The following BNC2 variants were observed in gnomAD, a reference collection of about 807,000 sequenced individuals.
The protein encoded by BNC2 is basonuclin zinc finger protein 2, also known as zinc finger protein basonuclin-2.
A neutral mutation model predicts 76.3 loss-of-function variants in BNC2; 20 were observed. That is an observed-to-expected ratio of 0.26 (90% confidence interval 0.18 to 0.38). The LOEUF (loss-of-function observed/expected upper bound fraction) is 0.38, where lower values mean the gene tolerates loss of function less well. BNC2 is among the 10% of genes least tolerant of loss of function. BNC2 has a pLI of 1.00. For synonymous variants in BNC2, 582 were observed against 514.8 expected, an observed-to-expected ratio of 1.13 and a Z score of -1.77; for missense variants, 1,382 against 1,399.8, an observed-to-expected ratio of 0.99 and a Z score of 0.20.
intron 3 of BNC2, among the ~76,000 whole-genome samples, chr9:16,712,000 A>G (rs893164154): frequency 2.0e-5 from 3 of 152,266 alleles, no homozygotes; most frequent in Non-Finnish European, 4.4e-5. Context: ...AAATACATGG[A>G]TAAGTGAAAA....
At chr9:16,813,440 T>C (rs1818105990) in intron 1 of BNC2, among the ~76,000 whole-genome samples, 2 of 151,886 alleles carry the variant, frequency 1.3e-5, no homozygotes, top group Non-Finnish European at 2.9e-5. Flanking sequence ...TAATTTTTTG[T>C]ATTTTTAGTA....
Position 16,419,413 on chromosome 9 carries a change from A to C in BNC2, c.2876T>G (p.Val959Gly). Residue 959 changes from valine (V) to glycine (G), a missense_variant, in exon 7 of 7, where the codon GTC becomes GGC. Val to Gly is a moderately radical substitution (Grantham distance 109). Around this residue, in one of 3 missense-constraint regions of BNC2, gnomAD observed 798 missense variants for 775.5 expected, o/e 1.03. Transcript: ENST00000380672. Reference sequence around the variant, plus strand: ...GCTGGAGGTGGTGCTCAAGTCAAGGACCATGTAGTCCTCTGCCATGCCTCT... The same window carrying C: ...GCTGGAGGTGGTGCTCAAGTCAAGGCCCATGTAGTCCTCTGCCATGCCTCT... ...YGRGMAEDYM[V>G]LDLSTTSSLQ... 6.2e-7 allele frequency: 1 copy of C among 1,604,424 alleles called. No homozygotes were observed. The highest frequency in any genetic ancestry group is 8.5e-7 in the Non-Finnish European group (1 of 1,174,880).
intron 1 of BNC2, among the ~76,000 whole-genome samples, chr9:16,847,568 T>C (rs1401588800): frequency 3.3e-5 from 5 of 152,134 alleles, no homozygotes; most frequent in African/African-American, 9.7e-5. Context: ...CAATCAGGAA[T>C]AGAACATTAA....
chr9:16,859,696 G>A (rs1819348847), intron 1 of BNC2, among the ~76,000 whole-genome samples: 1 of 152,200 alleles, frequency 6.6e-6, no homozygotes, highest in African/African-American at 2.4e-5. Flanking sequence ...GGTTTCCCAG[G>A]GCTGGGAGGA....
chr9:16,458,740 A>G (rs1012401641), intron 5 of BNC2, among the ~76,000 whole-genome samples: 1 of 152,242 alleles, frequency 6.6e-6, no homozygotes, highest in Non-Finnish European at 1.5e-5. Flanking sequence ...ATTTGGCTCC[A>G]ATGAAAAGTA....
chr9:16,819,378 C>A (rs992087417), intron 1 of BNC2, among the ~76,000 whole-genome samples: 6 of 152,146 alleles, frequency 3.9e-5, no homozygotes, highest in Non-Finnish European at 7.3e-5. Flanking sequence ...AATATGCAGT[C>A]CAGGCTGGGC....
intron 3 of BNC2, among the ~76,000 whole-genome samples, chr9:16,698,960 GA>G (rs1418678473): frequency 6.6e-6 from 1 of 152,164 alleles, no homozygotes; most frequent in African/African-American, 2.4e-5. Flanking sequence ...CTTTTGTACA[GA>G]AGTTGTATTT....
chr9:16,845,459 C>G (rs1344222381), intron 1 of BNC2, among the ~76,000 whole-genome samples: 1 of 152,178 alleles, frequency 6.6e-6, no homozygotes, highest in East Asian at 1.9e-4. Flanking sequence ...CGGTGGCTCA[C>G]ACCTGTAATC....
intron 1 of BNC2, among the ~76,000 whole-genome samples, chr9:16,823,848 C>A (rs909704424): frequency 6.6e-6 from 1 of 152,102 alleles, no homozygotes; most frequent in East Asian, 1.9e-4. Context: ...CTCTAAAGGT[C>A]TTTTTCCTTC....
chr9:16,675,562 C>T (rs1354958568), intron 3 of BNC2, among the ~76,000 whole-genome samples: 1 of 152,134 alleles, frequency 6.6e-6, no homozygotes, highest in Non-Finnish European at 1.5e-5. Context: ...TGTGCCTGGC[C>T]TAATTTTCGA....
At chr9:16,460,745 A>G (rs1236877200) in intron 5 of BNC2, among the ~76,000 whole-genome samples, 1 of 152,182 alleles carries the variant, frequency 6.6e-6, no homozygotes, top group Non-Finnish European at 1.5e-5. Context: ...CCTGAGCCTC[A>G]GTTACCCAGG....
At chr9:16,853,406 CAAAAAA>C (rs34704088) in intron 1 of BNC2, among the ~76,000 whole-genome samples, 1 of 87,010 alleles carries the variant, frequency 1.1e-5, no homozygotes, top group African/African-American at 4.2e-5. Flanking sequence ...GACCTTGTCT[CAAAAAA>C]AAAAAAAAAA....
chr9:16,436,380 G>A lies in BNC2; in HGVS notation c.1814C>T (p.Pro605Leu). The part of the protein sequence containing the change: ...IPTSGTIEQH[P>L]PPPSEPVVPA... ...CACTACTGGCTCAGAGGGTGGCGGGGGGTGCTGCTCTATGGTACCACTGGT... is the reference window on the plus strand; with the variant it reads ...CACTACTGGCTCAGAGGGTGGCGGGAGGTGCTGCTCTATGGTACCACTGGT... Residue 605 changes from proline (P) to leucine (L), a missense_variant, in exon 6 of 7, where the codon CCC becomes CTC. By Grantham distance (98) the Pro-to-Leu change is moderately conservative. This residue lies in a region of BNC2 where 798 missense variants were observed against 775.5 expected (regional missense o/e 1.03). Transcript: ENST00000380672. 6.2e-7 allele frequency: 1 copy of A among 1,614,142 alleles called. No homozygotes were observed. Among genetic ancestry groups the A allele is most frequent in the Non-Finnish European group, 8.5e-7 (1 of 1,180,020 alleles).
At chr9:16,803,317 C>G (rs1817827773) in intron 1 of BNC2, among the ~76,000 whole-genome samples, 1 of 152,206 alleles carries the variant, frequency 6.6e-6, no homozygotes, top group East Asian at 1.9e-4. Context: ...TAGCCCTCAA[C>G]TTTAGTCATG....
chr9:16,545,138 GTGTGTA>G (rs1453909084), intron 5 of BNC2, among the ~76,000 whole-genome samples: 1 of 152,086 alleles, frequency 6.6e-6, no homozygotes, highest in Non-Finnish European at 1.5e-5. Flanking sequence ...ACATATATAC[GTGTGTA>G]TGTGTATGTA....
intron 4 of BNC2, among the ~76,000 whole-genome samples, chr9:16,571,288 A>G (rs1819316056): frequency 6.6e-6 from 1 of 152,172 alleles, no homozygotes; most frequent in Non-Finnish European, 1.5e-5. Flanking sequence ...GAACTGACAA[A>G]TGCCTGTCTT....
rs755774399 is a variant in BNC2, at chr9:16,507,999, T to C, written c.669+44531A>G. Among the ~76,000 whole-genome samples the C allele has an allele frequency of 2.6e-5, 4 of 152,326 alleles. No individual in the cohort carries two copies. The East Asian group carries it at 7.7e-4, about 29-fold the overall frequency. ...TACAGAAAATTTTAGTCATTGAGTATTGATGACCTATCAAGCATTTTACTA... is the reference window on the plus strand; with the variant it reads ...TACAGAAAATTTTAGTCATTGAGTACTGATGACCTATCAAGCATTTTACTA... On this transcript the variant is annotated intron_variant, in intron 5 of 6. Transcript: ENST00000380672.
At chr9:16,469,065 T>A (rs1821759391) in intron 5 of BNC2, among the ~76,000 whole-genome samples, 1 of 152,252 alleles carries the variant, frequency 6.6e-6, no homozygotes, top group South Asian at 2.1e-4. Flanking sequence ...TGGAACATTA[T>A]ACTTTATACC....
chr9:16,454,403 C>A (rs1055606625), intron 5 of BNC2, among the ~76,000 whole-genome samples: 2 of 151,990 alleles, frequency 1.3e-5, no homozygotes, highest in Admixed American at 1.3e-4. Context: ...TTGGCTCAAG[C>A]GATACTCTTG....
Sources: allele counts gnomAD v4.1 joint callset (sites outside exome capture counted in the v4.1 genomes callset), GRCh38; gene constraint gnomAD v4.1.1; regional missense constraint gnomAD v4.1.1; transcripts MANE v1.5; gene names NCBI Gene and HGNC (gene_info 2026-07-23, HGNC 2026-07-21).